RPGRIP1: variants seen among roughly 807,000 people sequenced by gnomAD.
RPGRIP1 encodes X-linked retinitis pigmentosa GTPase regulator-interacting protein 1.
In RPGRIP1, 128 loss-of-function variants were observed where a neutral mutation model predicts 157.9. The ratio of observed to expected loss-of-function variants is 0.81; its 90% CI spans 0.70 to 0.94. The LOEUF (loss-of-function observed/expected upper bound fraction) is 0.94, where lower values mean the gene tolerates loss of function less well. Ranked by LOEUF, RPGRIP1 falls within the 40% of genes least tolerant of loss-of-function variation. The probability of loss-of-function intolerance (pLI) is 0.00; values close to 1 mark genes in which losing one functional copy is unlikely to be tolerated. For synonymous variants in RPGRIP1, 554 were observed against 571.6 expected, an observed-to-expected ratio of 0.97 and a Z score of 0.44; for missense variants, 1,486 against 1,545.8, an observed-to-expected ratio of 0.96 and a Z score of 0.65.
chr14:21,339,967 G>T (rs1056188036), intron 21 of RPGRIP1, among the ~76,000 whole-genome samples: 1 of 152,130 alleles, frequency 6.6e-6, no homozygotes, highest in Non-Finnish European at 1.5e-5. Flanking sequence ...TAAATAGGGC[G>T]ATATAATAGC....
chr14:21,328,751 G>T, intron 19 of RPGRIP1, 124 bp downstream of exon 19: 1 of 695,446 alleles, frequency 1.4e-6, no homozygotes, highest in Non-Finnish European at 2.4e-6. Flanking sequence ...GGCCGGGCAT[G>T]GTGGCTTCGG....
chr14:21,343,600 C>T (rs951345609), intron 22 of RPGRIP1, among the ~76,000 whole-genome samples: 6 of 152,116 alleles, frequency 3.9e-5, no homozygotes, highest in African/African-American at 1.4e-4. Flanking sequence ...AAGCGATTCA[C>T]GTGACTCAGC....
chr14:21,303,418 C>A lies in RPGRIP1; in HGVS notation c.675C>A (p.His225Gln). 1 of 1,613,804 alleles carries A rather than the reference C, an allele frequency of 6.2e-7. No homozygotes were observed. Among genetic ancestry groups the A allele is most frequent in the Non-Finnish European group, 8.5e-7 (1 of 1,179,772 alleles). The change falls in exon 6 of 25, where the codon CAC becomes CAA. Residue 225 changes from histidine (H) to glutamine (Q), a missense_variant. His to Gln is a conservative substitution (Grantham distance 24). Coordinates refer to ENST00000400017, the MANE Select transcript of RPGRIP1 (RefSeq NM_020366.4). ...GTCTATGCATGCCTAACAGTGCCCA[C>A]ATCATGGCCAGCAATACCATGCAAG... ...PIGLCMPNSA[H>Q]IMASNTMQVE...
chr14:21,332,113 A>G (rs1883859004), intron 20 of RPGRIP1, among the ~76,000 whole-genome samples: 2 of 151,680 alleles, frequency 1.3e-5, no homozygotes, highest in Non-Finnish European at 2.9e-5. Flanking sequence ...TAATATTTGT[A>G]TTTTTAGTAG....
At chr14:21,290,709 C>T (rs898843480) in intron 2 of RPGRIP1, among the ~76,000 whole-genome samples, 3 of 151,710 alleles carry the variant, frequency 2.0e-5, no homozygotes, top group African/African-American at 4.8e-5. Context: ...TTCCCAGCTA[C>T]GTGGGAGGCT....
chr14:21,290,797 C>G (rs556425184), intron 2 of RPGRIP1, among the ~76,000 whole-genome samples: 2 of 137,860 alleles, frequency 1.5e-5, no homozygotes, highest in Non-Finnish European at 3.1e-5. Context: ...CAAGCCTGGG[C>G]GACAGAGTGA....
chr14:21,318,105 T>G, intron 11 of RPGRIP1: 1 of 618,846 alleles, frequency 1.6e-6, no homozygotes, highest in Non-Finnish European at 3.0e-6. Flanking sequence ...TTTGTTTGTT[T>G]GTTTGTTTGT....
rs1413868056 is a variant in RPGRIP1 at position 21,326,180 on chromosome 14, G to C, written c.2710+7G>C. On this transcript the variant is annotated splice_region_variant and intron_variant, in intron 17 of 24. Coordinates refer to ENST00000400017, the MANE Select transcript of RPGRIP1 (RefSeq NM_020366.4). Reference sequence around the variant, plus strand: ...AAAAATGAATCTATCAAAGGTGGGAGTTCGAGGTTATTACATCTTCACGCC... The same window carrying C: ...AAAAATGAATCTATCAAAGGTGGGACTTCGAGGTTATTACATCTTCACGCC... 7.1e-6 allele frequency: 11 copies of C among 1,546,112 alleles called. No homozygotes were observed. The highest frequency in any genetic ancestry group is 9.6e-6 in the Non-Finnish European group (11 of 1,143,380).
chr14:21,341,368 T>C (rs1224561015), intron 21 of RPGRIP1, among the ~76,000 whole-genome samples: 1 of 152,158 alleles, frequency 6.6e-6, no homozygotes, highest in African/African-American at 2.4e-5. Flanking sequence ...CAGATGATTC[T>C]GATGCAGAAT....
rs865966403 is a variant in RPGRIP1 at position 21,284,098 on chromosome 14, T to G, written c.-38-3841T>G. The stretch of plus-strand genomic sequence containing the variant: ...ATTGTGATTTTTAAAAATGAAATGT[T>G]ACAGAACAGAGTATGAATTATCCAA... On this transcript the variant is annotated intron_variant, in intron 1 of 24. Transcript: ENST00000400017. Among the ~76,000 whole-genome samples, 57 of 152,324 alleles carry G rather than the reference T, an allele frequency of 3.7e-4. 1 individual carries two copies. Among genetic ancestry groups the G allele is most frequent in the South Asian group, 3.5e-3 (17 of 4,830 alleles).
intron 22 of RPGRIP1, 61 bp from the exon 23 acceptor site, chr14:21,345,052 C>A: frequency 9.2e-7 from 1 of 1,088,500 alleles, no homozygotes; most frequent in Non-Finnish European, 1.4e-6. Context: ...TAATGAAAGT[C>A]TTGGGGCTCA....
At chr14:21,336,988 C>A (rs1884427605) in intron 21 of RPGRIP1, among the ~76,000 whole-genome samples, 1 of 152,174 alleles carries the variant, frequency 6.6e-6, no homozygotes, top group Non-Finnish European at 1.5e-5. Flanking sequence ...GTGTTATTAT[C>A]AAGTTAAACG....
chr14:21,322,356 A>G (rs1189908324), intron 14 of RPGRIP1, among the ~76,000 whole-genome samples: 1 of 151,926 alleles, frequency 6.6e-6, no homozygotes, highest in Non-Finnish European at 1.5e-5. Flanking sequence ...ATGGGGTTTC[A>G]CCATGTTGGC....
chr14:21,303,232 T>C (rs1158663115), intron 5 of RPGRIP1, 99 bp from the exon 6 acceptor site: 14 of 790,690 alleles, frequency 1.8e-5, no homozygotes, highest in African/African-American at 3.5e-5. Context: ...CCTCGACATG[T>C]ACCAAGGTTA....
At chr14:21,347,861 G>T (rs562045771) in intron 23 of RPGRIP1, among the ~76,000 whole-genome samples, 11 of 152,244 alleles carry the variant, frequency 7.2e-5, no homozygotes, top group Non-Finnish European at 1.0e-4. Context: ...AAGTAGCTGG[G>T]ACTATAGGTG....
chr14:21,326,289 A>AGGCCGGGCGCGGTGGCTC, intron 17 of RPGRIP1, 116 bp downstream of exon 17: 2 of 680,612 alleles, frequency 2.9e-6, no homozygotes, highest in Non-Finnish European at 4.8e-6. Context: ...ACCTGAAGAT[A>AGGCCGGGCGCGGTGGCTC]AAGGATTTAG....
At chr14:21,318,721 C>T (rs561849783) in intron 11 of RPGRIP1, among the ~76,000 whole-genome samples, 2 of 150,442 alleles carry the variant, frequency 1.3e-5, no homozygotes, top group Admixed American at 6.6e-5. Flanking sequence ...GTGATCCACC[C>T]GCCTCAGCCT....
chr14:21,351,169 G>T lies in RPGRIP1; in HGVS notation c.3814G>T (p.Val1272Phe), dbSNP rs778860397. ...RLKVSLQAAAVLHAIYKEMTE... is the reference protein window; with the variant it reads ...RLKVSLQAAAFLHAIYKEMTE... ...GAAGGTTTCCCTTCAAGCAGCTGCT[G>T]TCCTCCATGCTATTTACAAGGAGAT... Residue 1272 changes from valine (V) to phenylalanine (F), a missense_variant, in exon 25 of 25, where the codon GTC becomes TTC. Physicochemically the swap from Val to Phe is conservative, Grantham distance 50. Coordinates refer to ENST00000400017, the MANE Select transcript of RPGRIP1 (RefSeq NM_020366.4). 6.2e-7 allele frequency: 1 copy of T among 1,612,604 alleles called. No homozygotes were observed. The highest frequency in any genetic ancestry group is 8.5e-7 in the Non-Finnish European group (1 of 1,179,228).
intron 21 of RPGRIP1, among the ~76,000 whole-genome samples, chr14:21,337,291 T>C (rs761438262): frequency 6.6e-6 from 1 of 152,156 alleles, no homozygotes; most frequent in Admixed American, 6.6e-5. Flanking sequence ...TAGTATTAAG[T>C]ATACCCATCT....
Sources: allele counts gnomAD v4.1 joint callset (sites outside exome capture counted in the v4.1 genomes callset), GRCh38; gene constraint gnomAD v4.1.1; transcripts MANE v1.5; gene names NCBI Gene and HGNC (gene_info 2026-07-23, HGNC 2026-07-21).